The following ELOVL7 variants were observed in gnomAD, a reference collection of about 807,000 sequenced individuals.
The protein encoded by ELOVL7 is very long chain fatty acid elongase 7.
Under a neutral mutation model 35.7 loss-of-function variants are expected in ELOVL7, and 27 were observed. That is an observed-to-expected ratio of 0.76 (90% CI 0.56 to 1.04). The LOEUF is 1.04. ELOVL7 is among the 50% of genes least tolerant of loss of function. The pLI, the probability that ELOVL7 is intolerant of heterozygous loss-of-function variation, is 0.00. For missense variants in ELOVL7, 327 were observed against 340.8 expected (o/e 0.96, Z 0.32); for synonymous variants, 113 against 114.6 (o/e 0.99, Z 0.09).
intron 3 of ELOVL7, among the ~76,000 whole-genome samples, chr5:60,778,685 T>C (rs1044176406): frequency 1.3e-5 from 2 of 152,150 alleles, no homozygotes; most frequent in Non-Finnish European, 1.5e-5. Flanking sequence ...GAAATTTGGG[T>C]GGGGATACAG....
At chr5:60,760,817 T>C (rs1185288325) in intron 7 of ELOVL7, among the ~76,000 whole-genome samples, 1 of 152,170 alleles carries the variant, frequency 6.6e-6, no homozygotes, top group Non-Finnish European at 1.5e-5. Flanking sequence ...AATTTTTGTA[T>C]CAGGTGTAAG....
chr5:60,818,319 G>GAAAAAAAAAAAAAAAAAAAAAAAAA (rs60141189), intron 1 of ELOVL7, among the ~76,000 whole-genome samples: 1 of 70,594 alleles, frequency 1.4e-5, no homozygotes, highest in African/African-American at 5.5e-5. Flanking sequence ...TTCCATCTCA[G>GAAAAAAAAAAAAAAAAAAAAAAAAA]AAAAAAAAAA....
Position 60,787,322 on chromosome 5 carries a change from G to A in ELOVL7, c.64+12C>T, listed in dbSNP as rs527544183. The A allele has an allele frequency of 4.4e-6, 7 of 1,586,302 alleles. No individual in the cohort carries two copies. Among genetic ancestry groups the A allele is most frequent in the Admixed American group, 1.8e-5 (1 of 54,544 alleles). On this transcript the variant is annotated intron_variant, in intron 3 of 8. Coordinates refer to ENST00000508821, the MANE Select transcript of ELOVL7 (RefSeq NM_024930.3). ...GAAGGATGAACCTCAATTAGGAAAT[G>A]TGGTTACTCACCAGCATCTTTGATC...
Position 60,767,831 on chromosome 5 carries a change from C to T in ELOVL7, c.328G>A (p.Ala110Thr), listed in dbSNP as rs1384482751. Residue 110 changes from alanine (A) to threonine (T), a missense_variant, in exon 5 of 9, where the codon GCT becomes ACT. Ala to Thr is a moderately conservative substitution (Grantham distance 58). Transcript: ENST00000508821. ...DIVDYSRSPTALRMARTCWLY... is the reference protein window; with the variant it reads ...DIVDYSRSPTTLRMARTCWLY... ...TCCAAAGAGAAACTTACCCTCAAAG[C>T]TGTGGGTGACCGTGAATAGTCAACA... 1 of 1,612,866 alleles carries T rather than the reference C, an allele frequency of 6.2e-7. No homozygotes were observed. The highest frequency in any genetic ancestry group is 8.5e-7 in the Non-Finnish European group (1 of 1,178,966).
Position 60,765,350 on chromosome 5 carries a change from G to T in ELOVL7, c.394-1018C>A, listed in dbSNP as rs79582172. Among the ~76,000 whole-genome samples the T allele has an allele frequency of 2.3e-3, 345 of 152,248 alleles. 12 individuals are homozygous for T. In the East Asian group the frequency reaches 0.056, roughly 25 times the overall value. On this transcript the variant is annotated intron_variant, in intron 6 of 8. Coordinates refer to ENST00000508821, the MANE Select transcript of ELOVL7 (RefSeq NM_024930.3). ...TTCAATTTCTCAGAGTGAAGGTTCT[G>T]GACTAATGCTTCTCAACCCTGGATG...
At chr5:60,824,037 G>T (rs1746030431) in intron 1 of ELOVL7, among the ~76,000 whole-genome samples, 1 of 151,918 alleles carries the variant, frequency 6.6e-6, no homozygotes, top group South Asian at 2.1e-4. Flanking sequence ...GATTAATTTG[G>T]AATTAGGGCT....
At chr5:60,789,845 A>G (rs905220685) in intron 2 of ELOVL7, among the ~76,000 whole-genome samples, 3 of 152,204 alleles carry the variant, frequency 2.0e-5, no homozygotes, top group Non-Finnish European at 2.9e-5. Context: ...CACTATTTGA[A>G]AAAAGCAAAG....
chr5:60,757,566 C>A lies in ELOVL7; in HGVS notation c.579G>T (p.Leu193Phe). Residue 193 changes from leucine (L) to phenylalanine (F), a missense_variant, in exon 8 of 9, where the codon TTG (leucine) becomes TTT (phenylalanine). Transcript: ENST00000508821. The stretch of plus-strand genomic sequence containing the variant: ...ACAAATACTTCTGGTAGGCTGGCCC[C>A]AATGCAGAAAGTCCATAGTAGGAAT... ...VMYSYYGLSA[L>F]GPAYQKYLWW... 6.2e-7 allele frequency: 1 copy of A among 1,613,252 alleles called. No individual in the cohort carries two copies. The highest frequency in any genetic ancestry group is 1.7e-5 in the Admixed American group (1 of 59,980).
chr5:60,755,788 T>C (rs1741506439), intron 8 of ELOVL7, among the ~76,000 whole-genome samples: 1 of 152,194 alleles, frequency 6.6e-6, no homozygotes, highest in African/African-American at 2.4e-5. Flanking sequence ...AAGAGGGACC[T>C]TTTCTAGGCT....
intron 6 of ELOVL7, among the ~76,000 whole-genome samples, chr5:60,764,558 A>T (rs1007728307): frequency 2.0e-5 from 3 of 152,178 alleles, no homozygotes; most frequent in Admixed American, 6.6e-5. Context: ...CACCAATAAA[A>T]AGGCAAAAAG....
intron 1 of ELOVL7, among the ~76,000 whole-genome samples, chr5:60,812,531 A>T (rs1745294091): frequency 6.6e-6 from 1 of 152,210 alleles, no homozygotes; most frequent in Non-Finnish European, 1.5e-5. Context: ...GAATAAGGGA[A>T]AGGAATTGTT....
chr5:60,786,147 C>T (rs1743571547), intron 3 of ELOVL7: 1 of 152,160 alleles, frequency 6.6e-6, no homozygotes, highest in Non-Finnish European at 1.5e-5. Flanking sequence ...AACCAGAACA[C>T]ATAGGTTCTA....
intron 1 of ELOVL7, among the ~76,000 whole-genome samples, chr5:60,807,991 T>TC: frequency 6.3e-5 from 1 of 15,866 alleles, no homozygotes; most frequent in Non-Finnish European, 1.2e-4. Context: ...AGACTCCGTC[T>TC]CAAAAAAAAA....
At chr5:60,787,259 G>C (rs1162038084) in intron 3 of ELOVL7, 75 bp downstream of exon 3, 13 of 1,280,702 alleles carry the variant, frequency 1.0e-5, no homozygotes, top group African/African-American at 1.5e-5. Context: ...TTCTGTTCCA[G>C]TGAAATCCTA....
At chr5:60,826,374 T>A (rs10939871) in intron 1 of ELOVL7, among the ~76,000 whole-genome samples, 30,486 of 151,394 alleles carry the variant, frequency 0.2, 3,589 homozygotes, top group Non-Finnish European at 0.27. Flanking sequence ...TGATTCTGAT[T>A]TTTTTTTTAC....
At chr5:60,763,578 T>A (rs767101724) in intron 7 of ELOVL7, among the ~76,000 whole-genome samples, 2 of 152,214 alleles carry the variant, frequency 1.3e-5, no homozygotes, top group Non-Finnish European at 2.9e-5. Context: ...TAAAACTGTA[T>A]AATAGGATAA....
intron 1 of ELOVL7, among the ~76,000 whole-genome samples, chr5:60,806,698 G>A (rs1483150338): frequency 6.6e-6 from 1 of 152,136 alleles, no homozygotes; most frequent in Non-Finnish European, 1.5e-5. Context: ...TTCTTTCTGA[G>A]GGCTGAAGGA....
intron 1 of ELOVL7, among the ~76,000 whole-genome samples, chr5:60,830,737 T>C (rs1207035402): frequency 6.6e-6 from 1 of 152,136 alleles, no homozygotes; most frequent in African/African-American, 2.4e-5. Context: ...ATGAAATACA[T>C]TCAGACTGTT....
chr5:60,790,773 T>C (rs1743891001), intron 2 of ELOVL7, among the ~76,000 whole-genome samples: 2 of 152,200 alleles, frequency 1.3e-5, no homozygotes, highest in Admixed American at 6.5e-5. Context: ...AAATTACAGC[T>C]CAATTTCCTA....
Sources: allele counts gnomAD v4.1 joint callset (sites outside exome capture counted in the v4.1 genomes callset), GRCh38; gene constraint gnomAD v4.1.1; transcripts MANE v1.5; gene names NCBI Gene and HGNC (gene_info 2026-07-23, HGNC 2026-07-21).